Variants in PRELID2 observed in about 807,000 individuals in gnomAD.
PRELID2 encodes the protein PRELI domain-containing protein 2.
In PRELID2, 25 loss-of-function variants were observed where a neutral mutation model predicts 28.4. The observed-to-expected ratio is 0.88, with a 90% CI of 0.64 to 1.23. PRELID2 has a LOEUF of 1.23. PRELID2 is among the 50% of genes most tolerant of loss of function. PRELID2 has a pLI of 0.00. For missense variants in PRELID2, 201 were observed against 214.4 expected (o/e 0.94, Z 0.39); for synonymous variants, 76 against 71.6 (o/e 1.06, Z -0.31).
intron 1 of PRELID2, among the ~76,000 whole-genome samples, chr5:145,591,728 C>T (rs1753231518): frequency 6.6e-6 from 1 of 152,178 alleles, no homozygotes; most frequent in Non-Finnish European, 1.5e-5. Flanking sequence ...GGGACCCTCC[C>T]AGGAAACCCA....
rs141776893 is a variant in PRELID2 at position 145,563,974 on chromosome 5, C to T, written n.71-90659G>A. Among the ~76,000 whole-genome samples the T allele has an allele frequency of 2.5e-3, 388 of 152,242 alleles. 5 individuals are homozygous for T. The highest frequency in any genetic ancestry group is 3.4e-3 in the Middle Eastern group (1 of 292). On this transcript the variant is annotated intron_variant and non_coding_transcript_variant, in intron 1 of 2. Transcript: ENST00000510259. ...AGAAGAGATGGATATATTAATTCAC[C>T]GACTGTCAAAGTCTTTTCACTATGC...
the PRELID2 span, among the ~76,000 whole-genome samples, chr5:145,321,691 C>T: frequency 6.6e-6 from 1 of 152,208 alleles, no homozygotes; most frequent in African/African-American, 2.4e-5. Flanking sequence ...TAGCAATTGT[C>T]CCCTTGGTAA....
chr5:145,734,262 T>C (rs1471532081), intron 1 of PRELID2, among the ~76,000 whole-genome samples: 3 of 152,170 alleles, frequency 2.0e-5, no homozygotes, highest in African/African-American at 7.2e-5. Context: ...ACCACAGGTA[T>C]GAGCCACTGC....
chr5:145,716,759 C>G (rs954215438), intron 1 of PRELID2, among the ~76,000 whole-genome samples: 1 of 152,120 alleles, frequency 6.6e-6, no homozygotes, highest in African/African-American at 2.4e-5. Context: ...ATATTAATAA[C>G]AGCTAGCATT....
chr5:145,691,516 T>TGA (rs1356714185), intron 1 of PRELID2, among the ~76,000 whole-genome samples: 29 of 152,070 alleles, frequency 1.9e-4, no homozygotes, highest in Non-Finnish European at 1.8e-4. Context: ...CCATCCTGGG[T>TGA]AACACAGTGA....
At chr5:145,495,336 G>C (rs997059918) in intron 1 of PRELID2, among the ~76,000 whole-genome samples, 20 of 152,196 alleles carry the variant, frequency 1.3e-4, no homozygotes, top group African/African-American at 4.8e-4. Flanking sequence ...TTGAGCATCA[G>C]CAGAATCTGC....
At chr5:145,448,612 T>C in the PRELID2 span, among the ~76,000 whole-genome samples, 1 of 152,108 alleles carries the variant, frequency 6.6e-6, no homozygotes, top group East Asian at 1.9e-4. Flanking sequence ...GGTAAAGGGA[T>C]CAGTTCAACA....
intron 1 of PRELID2, among the ~76,000 whole-genome samples, chr5:145,480,015 C>T (rs1201487064): frequency 1.3e-5 from 2 of 152,166 alleles, no homozygotes; most frequent in East Asian, 1.9e-4. Flanking sequence ...TCCTTTCCAG[C>T]TTTTTAACTA....
the PRELID2 span, among the ~76,000 whole-genome samples, chr5:145,443,668 G>T: frequency 2.0e-5 from 3 of 152,012 alleles, no homozygotes; most frequent in Non-Finnish European, 2.9e-5. Context: ...GCATTTTCAG[G>T]ATTCCAAAGT....
chr5:145,509,069 G>A (rs779559346), intron 1 of PRELID2, among the ~76,000 whole-genome samples: 2 of 152,154 alleles, frequency 1.3e-5, no homozygotes, highest in Admixed American at 6.5e-5. Flanking sequence ...GAGGGTTCCT[G>A]CAAGAGGTAA....
chr5:145,737,887 G>A (rs1756542974), intron 1 of PRELID2, among the ~76,000 whole-genome samples: 1 of 152,206 alleles, frequency 6.6e-6, no homozygotes, highest in Non-Finnish European at 1.5e-5. Flanking sequence ...TGGAGACTGT[G>A]AGGAGCCTGG....
At chr5:145,588,643 C>CT (rs1207496787) in intron 1 of PRELID2, among the ~76,000 whole-genome samples, 6 of 152,064 alleles carry the variant, frequency 3.9e-5, no homozygotes, top group Admixed American at 3.3e-4. Context: ...AATGAACTGA[C>CT]TTGGCAGGTC....
intron 1 of PRELID2, among the ~76,000 whole-genome samples, chr5:145,534,187 G>A (rs1414118916): frequency 6.6e-6 from 1 of 151,994 alleles, no homozygotes; most frequent in East Asian, 1.9e-4. Flanking sequence ...ACTCTCAGGT[G>A]ATAAGACTTC....
chr5:145,266,065 G>T, the PRELID2 span, among the ~76,000 whole-genome samples: 1 of 152,000 alleles, frequency 6.6e-6, no homozygotes, highest in African/African-American at 2.4e-5. Flanking sequence ...AATCTATACT[G>T]CCAACAAAGG....
chr5:145,431,906 T>C, the PRELID2 span, among the ~76,000 whole-genome samples: 1 of 152,156 alleles, frequency 6.6e-6, no homozygotes, highest in East Asian at 1.9e-4. Flanking sequence ...ATGGCATTGT[T>C]TCTGGTAGCA....
chr5:145,536,989 T>C (rs886724955), intron 1 of PRELID2, among the ~76,000 whole-genome samples: 2 of 151,814 alleles, frequency 1.3e-5, no homozygotes, highest in African/African-American at 4.8e-5. Flanking sequence ...TTTAAAAAAT[T>C]ATTAAATAAG....
intron 1 of PRELID2, among the ~76,000 whole-genome samples, chr5:145,669,459 G>A (rs75587815): frequency 0.02 from 3,075 of 152,154 alleles, 109 homozygotes; most frequent in African/African-American, 0.071. Context: ...CTGTTAACTG[G>A]TCATCTTGGG....
chr5:145,630,485 T>C lies in PRELID2; in HGVS notation n.70+134446A>G, dbSNP rs553822329. 2.6e-5 allele frequency among the ~76,000 whole-genome samples: 4 copies of C among 152,362 alleles called. No individual in the cohort carries two copies. In the East Asian group the frequency reaches 7.7e-4, roughly 29 times the overall value. On this transcript the variant is annotated intron_variant and non_coding_transcript_variant, in intron 1 of 2. Coordinates refer to the PRELID2 transcript ENST00000510259. ...GAACTGTAAGACAAACATTCTCCAT[T>C]GCACAAGCCTGCCTTGAGTGAGTCT...
chr5:145,496,401 T>C (rs866750098), intron 1 of PRELID2, among the ~76,000 whole-genome samples: 1 of 151,868 alleles, frequency 6.6e-6, no homozygotes, highest in Non-Finnish European at 1.5e-5. Context: ...ACCACAGTAG[T>C]AGGAAAATTA....
Sources: gnomAD v4.1 joint callset for allele counts (sites outside exome capture counted in the v4.1 genomes callset) on GRCh38, gnomAD v4.1.1 for gene constraint, MANE v1.5 for transcripts, NCBI Gene and HGNC (gene_info 2026-07-23, HGNC 2026-07-21) for gene names.